ACER1: variants seen among roughly 807,000 people sequenced by gnomAD.
ACER1 encodes CTB-180A7.3.
A neutral mutation model predicts 24.9 loss-of-function variants in ACER1; 28 were observed. That is an observed-to-expected ratio of 1.13 (90% CI 0.83 to 1.54). ACER1 has a LOEUF of 1.54. Ranked by LOEUF, ACER1 falls within the 40% of genes most tolerant of loss-of-function variation. The pLI is 0.00. For synonymous variants in ACER1, 132 were observed against 131.4 expected (o/e 1.00, Z -0.03); for missense variants, 352 against 349.3 (o/e 1.01, Z -0.06).
the ACER1 span, among the ~76,000 whole-genome samples, chr19:6,346,936 T>C: frequency 6.6e-6 from 1 of 151,562 alleles, no homozygotes; most frequent in Non-Finnish European, 1.5e-5. Flanking sequence ...AGAGGGATCT[T>C]ACTGTTATGG....
chr19:6,354,839 T>C, the ACER1 span, among the ~76,000 whole-genome samples: 1 of 152,026 alleles, frequency 6.6e-6, no homozygotes, highest in Non-Finnish European at 1.5e-5. Flanking sequence ...GGTCTCCCTC[T>C]CCCTCTCTTT....
chr19:6,336,819 CAA>C (rs57500077), upstream of ACER1, among the ~76,000 whole-genome samples: 17 of 67,754 alleles, frequency 2.5e-4, no homozygotes, highest in Admixed American at 3.6e-4. Context: ...GACCCCGACT[CAA>C]AAAAAAAAAA....
the ACER1 span, among the ~76,000 whole-genome samples, chr19:6,345,589 G>A: frequency 6.8e-6 from 1 of 147,316 alleles, no homozygotes; most frequent in South Asian, 2.1e-4. Flanking sequence ...TTTTCAAATG[G>A]AGTCTCACTC....
chr19:6,360,014 G>C, the ACER1 span: 1 of 152,262 alleles, frequency 6.6e-6, no homozygotes, highest in African/African-American at 2.4e-5. Context: ...AAAGAATCTG[G>C]CTTGAGAAGG....
chr19:6,340,168 C>G, the ACER1 span, among the ~76,000 whole-genome samples: 6 of 151,930 alleles, frequency 3.9e-5, no homozygotes, highest in East Asian at 1.2e-3. Flanking sequence ...GTAATCCCAG[C>G]TACTCGGGAG....
upstream of ACER1, among the ~76,000 whole-genome samples, chr19:6,334,881 T>G (rs2091706452): frequency 6.6e-6 from 1 of 150,946 alleles, no homozygotes; most frequent in African/African-American, 2.4e-5. Flanking sequence ...TGTCCCAAAG[T>G]GCTGGGATTA....
At chr19:6,335,092 TATA>T (rs568863916), upstream of ACER1, among the ~76,000 whole-genome samples, 57 of 146,560 alleles carry the variant, frequency 3.9e-4, no homozygotes, top group East Asian at 1.4e-3. Flanking sequence ...ACTATTGTTA[TATA>T]ATATTTTAAA....
chr19:6,310,144 G>A (rs1386662682), intron 3 of ACER1, among the ~76,000 whole-genome samples: 2 of 151,892 alleles, frequency 1.3e-5, no homozygotes, highest in African/African-American at 2.4e-5. Flanking sequence ...CTGGAGTGCA[G>A]CAGTGCGATC....
chr19:6,359,562 C>T, the ACER1 span, among the ~76,000 whole-genome samples: 1 of 152,002 alleles, frequency 6.6e-6, no homozygotes, highest in Non-Finnish European at 1.5e-5. Flanking sequence ...AGGTGATCCA[C>T]ATGTCTTGGG....
chr19:6,333,709 G>C, upstream of ACER1: 1 of 588,240 alleles, frequency 1.7e-6, no homozygotes, highest in Non-Finnish European at 3.0e-6. Flanking sequence ...GTTGCACCAG[G>C]GCAGCCTGGC....
At chr19:6,313,160 C>G (rs1374945544) in intron 1 of ACER1, among the ~76,000 whole-genome samples, 1 of 151,790 alleles carries the variant, frequency 6.6e-6, no homozygotes, top group East Asian at 1.9e-4. Flanking sequence ...CTGTCTGCTG[C>G]CAGGCTGGAG....
chr19:6,310,095 CT>C (rs923743060), intron 3 of ACER1, among the ~76,000 whole-genome samples: 7 of 147,806 alleles, frequency 4.7e-5, no homozygotes, highest in Non-Finnish European at 4.5e-5. Context: ...AACCCCATTT[CT>C]TTTTTTTTTG....
At chr19:6,340,966 G>A in the ACER1 span, among the ~76,000 whole-genome samples, 1 of 151,994 alleles carries the variant, frequency 6.6e-6, no homozygotes, top group Admixed American at 6.6e-5. Context: ...TAGGCTAAAG[G>A]TGTCATCACA....
chr19:6,351,495 C>T, the ACER1 span, among the ~76,000 whole-genome samples: 2 of 151,460 alleles, frequency 1.3e-5, no homozygotes, highest in African/African-American at 4.9e-5. Context: ...CTTTGAGAGG[C>T]TGAGGCAGGA....
rs141679545 is a variant in ACER1, at chr19:6,312,014, G to A, written c.350+135C>T. On this transcript the variant is annotated intron_variant, in intron 3 of 5. Transcript: ENST00000301452. The stretch of plus-strand genomic sequence containing the variant: ...GTCAGGCAGGGTCAGGAGAAAACCC[G>A]AAGTGGTCAGGGGAGGAATTCCAAG... 605 of 1,231,958 alleles carry A rather than the reference G, an allele frequency of 4.9e-4. 2 individuals are homozygous for A. In the East Asian group the frequency reaches 0.014, roughly 28 times the overall value. 76.3% of individuals were successfully genotyped at this position (1,231,958 alleles called of 1,614,324 possible).
intron 5 of ACER1, 130 bp downstream of exon 5, chr19:6,307,022 AC>A (rs2091555750): frequency 1.8e-5 from 27 of 1,495,066 alleles, no homozygotes; most frequent in Non-Finnish European, 2.3e-5. Context: ...GCCTTCCCCT[AC>A]CGCCAGGTCC....
rs1319684952 is a variant in ACER1 at position 6,306,731 on chromosome 19, C to T, written c.778G>A (p.Asp260Asn). ...GGCAGGTCTCAGCAGTCCTTGTCAT[C>T]ACCCCGGATTTCCACGTAGGGCAGC... ...VGLPYVEIRG[D>N]DKDC Residue 260 changes from aspartate to asparagine, a missense_variant, in exon 6 of 6, where the codon GAT (aspartate) becomes AAT (asparagine). Coordinates refer to ENST00000301452, the MANE Select transcript of ACER1 (RefSeq NM_133492.3). The T allele has an allele frequency of 3.1e-6, 5 of 1,610,458 alleles. No homozygotes were observed. In the African/African-American group the frequency reaches 4.0e-5, roughly 13 times the overall value.
At chr19:6,350,857 A>G in the ACER1 span, among the ~76,000 whole-genome samples, 1 of 152,126 alleles carries the variant, frequency 6.6e-6, no homozygotes, top group African/African-American at 2.4e-5. Context: ...GAATAAATAA[A>G]CAAATTTCCT....
the ACER1 span, among the ~76,000 whole-genome samples, chr19:6,347,663 CT>C: frequency 6.6e-6 from 1 of 151,354 alleles, no homozygotes; most frequent in Admixed American, 6.6e-5. Flanking sequence ...TGGCAAAAGC[CT>C]GTCTCTACTA....
Sources: allele counts gnomAD v4.1 joint callset (sites outside exome capture counted in the v4.1 genomes callset), GRCh38; gene constraint gnomAD v4.1.1; transcripts MANE v1.5; gene names NCBI Gene and HGNC (gene_info 2026-07-23, HGNC 2026-07-21).